Variants in GATAD2A observed in about 807,000 individuals in gnomAD.
GATAD2A encodes GATA zinc finger domain containing 2A, also known as transcriptional repressor p66-alpha.
Under a neutral mutation model 68.5 loss-of-function variants are expected in GATAD2A, and 12 were observed. The ratio of observed to expected loss-of-function variants is 0.18; its 90% confidence interval spans 0.11 to 0.28. The LOEUF (loss-of-function observed/expected upper bound fraction) is 0.28. GATAD2A is among the 10% of genes least tolerant of loss of function. The pLI is 1.00. For synonymous variants in GATAD2A, 410 were observed against 375.3 expected (o/e 1.09, Z -1.07); for missense variants, 755 against 868.5 (o/e 0.87, Z 1.64).
Position 19,498,492 on chromosome 19 carries a change from A to G in GATAD2A, c.974A>G (p.Asn325Ser), listed in dbSNP as rs373242335. The G allele has an allele frequency of 2.2e-5, 35 of 1,613,456 alleles. 1 individual carries two copies. The highest frequency in any genetic ancestry group is 3.0e-5 in the Non-Finnish European group (35 of 1,179,678). The change falls in exon 8 of 12, where the codon AAC (asparagine) becomes AGC (serine). Residue 325 changes from asparagine to serine, a missense_variant. Coordinates refer to ENST00000683918, the MANE Select transcript of GATAD2A (RefSeq NM_001384528.1). ...KGTTATSAQA[N>S]STPTSVASVV... Reference sequence around the variant, plus strand: ...ACAACAGCCACCTCCGCTCAGGCCAACTCCACCCCCACTAGTGTGGCCTCT... The same window carrying G: ...ACAACAGCCACCTCCGCTCAGGCCAGCTCCACCCCCACTAGTGTGGCCTCT...
intron 2 of GATAD2A, among the ~76,000 whole-genome samples, chr19:19,466,028 G>C (rs2057838538): frequency 6.6e-6 from 1 of 152,198 alleles, no homozygotes; most frequent in African/African-American, 2.4e-5. Context: ...TTGGTCACTT[G>C]GCTAGGGATA....
intron 1 of GATAD2A, chr19:19,440,045 C>T (rs1046059567): frequency 4.1e-6 from 1 of 241,430 alleles, no homozygotes; most frequent in African/African-American, 2.4e-5. Flanking sequence ...GACTGGGCAA[C>T]TTGTGGTGGT....
intron 1 of GATAD2A, chr19:19,458,744 G>A (rs968178620): frequency 1.3e-5 from 2 of 152,220 alleles, no homozygotes; most frequent in African/African-American, 4.8e-5. Context: ...ATATGGCACA[G>A]AAGGTAGATG....
intron 2 of GATAD2A, among the ~76,000 whole-genome samples, chr19:19,483,716 G>T (rs898672526): frequency 2.0e-5 from 3 of 151,696 alleles, no homozygotes; most frequent in African/African-American, 7.3e-5. Flanking sequence ...CCGGGTTCAC[G>T]CCATTCTGCT....
intron 1 of GATAD2A, among the ~76,000 whole-genome samples, chr19:19,439,946 A>G (rs2054810642): frequency 6.6e-6 from 1 of 152,216 alleles, no homozygotes; most frequent in African/African-American, 2.4e-5. Flanking sequence ...AAACATGGTC[A>G]GAAATAAGGA....
chr19:19,480,019 CT>C (rs2058948529), intron 2 of GATAD2A, among the ~76,000 whole-genome samples: 1 of 151,868 alleles, frequency 6.6e-6, no homozygotes, highest in Admixed American at 6.6e-5. Context: ...GTTGGCTAGG[CT>C]GGTCTCAAAC....
chr19:19,395,784 G>C (rs2049194319), intron 1 of GATAD2A, among the ~76,000 whole-genome samples: 1 of 152,136 alleles, frequency 6.6e-6, no homozygotes, highest in Non-Finnish European at 1.5e-5. Context: ...CTTTATAAAA[G>C]TACGGTGGGA....
intron 1 of GATAD2A, among the ~76,000 whole-genome samples, chr19:19,426,449 A>G (rs1314925468): frequency 6.6e-6 from 1 of 152,140 alleles, no homozygotes; most frequent in Non-Finnish European, 1.5e-5. Context: ...TTGTCCATCT[A>G]TGACATAATG....
intron 1 of GATAD2A, among the ~76,000 whole-genome samples, chr19:19,393,615 T>C (rs1185940930): frequency 6.6e-6 from 1 of 152,188 alleles, no homozygotes; most frequent in Non-Finnish European, 1.5e-5. Context: ...TGAAAGAACA[T>C]TGTGAGGTTT....
chr19:19,505,495 A>C lies in GATAD2A; in HGVS notation c.*21A>C, dbSNP rs375882343. 6.4e-7 allele frequency: 1 copy of C among 1,554,628 alleles called. No homozygotes were observed. The highest frequency in any genetic ancestry group is 1.2e-5 in the South Asian group (1 of 85,004). On this transcript the variant is annotated 3_prime_UTR_variant, in exon 12 of 12. Coordinates refer to ENST00000683918, the MANE Select transcript of GATAD2A (RefSeq NM_001384528.1). ...AATAGTGCGAGCCAGGCCCCGTGGA[A>C]GACGGGCTCCCTCCTCCCCCACCTG... is the stretch of plus-strand genomic sequence containing the variant.
At chr19:19,428,847 C>T (rs749628217) in intron 1 of GATAD2A, among the ~76,000 whole-genome samples, 49 of 152,248 alleles carry the variant, frequency 3.2e-4, no homozygotes, top group Non-Finnish European at 5.4e-4. Flanking sequence ...GTCCCCACAG[C>T]TCCCCAAATA....
intron 1 of GATAD2A, among the ~76,000 whole-genome samples, chr19:19,417,959 C>T (rs1288306324): frequency 6.6e-6 from 1 of 152,098 alleles, no homozygotes; most frequent in Non-Finnish European, 1.5e-5. Flanking sequence ...GTCTTAGAGC[C>T]TCGTGGGGGA....
At chr19:19,475,656 A>G (rs763848875) in intron 2 of GATAD2A, among the ~76,000 whole-genome samples, 3 of 152,174 alleles carry the variant, frequency 2.0e-5, no homozygotes, top group African/African-American at 4.8e-5. Context: ...GGCATTTCTT[A>G]GCTCATGGGA....
At chr19:19,440,320 G>A in intron 1 of GATAD2A, 1 of 206,552 alleles carries the variant, frequency 4.8e-6, no homozygotes, top group South Asian at 8.0e-5. Context: ...GCCCAGGCTG[G>A]AGTGGAGTGG....
At chr19:19,487,109 C>T (rs2059490926) in intron 2 of GATAD2A, among the ~76,000 whole-genome samples, 1 of 152,248 alleles carries the variant, frequency 6.6e-6, no homozygotes, top group Admixed American at 6.5e-5. Flanking sequence ...GCCTCTCCCC[C>T]ATCCCCAGCC....
intron 1 of GATAD2A, chr19:19,436,273 G>C (rs2054331572): frequency 1.1e-6 from 1 of 928,562 alleles, no homozygotes; most frequent in African/African-American, 1.7e-5. Flanking sequence ...CATCCAGCAG[G>C]CTTCGGTCAG....
At chr19:19,469,435 A>AAAAAAAG (rs986046869) in intron 2 of GATAD2A, among the ~76,000 whole-genome samples, 1 of 151,922 alleles carries the variant, frequency 6.6e-6, no homozygotes, top group African/African-American at 2.4e-5. Context: ...CCATCTCAAA[A>AAAAAAAG]AAAAAGAAAA....
intron 1 of GATAD2A, among the ~76,000 whole-genome samples, chr19:19,433,170 T>G (rs1568280186): frequency 6.6e-6 from 1 of 152,230 alleles, no homozygotes; most frequent in Admixed American, 6.5e-5. Context: ...TTGTTGTGAT[T>G]TGACTTTCCT....
Position 19,487,657 on chromosome 19 carries a change from C to T in GATAD2A, c.270-4649C>T, listed in dbSNP as rs574779807. Among the ~76,000 whole-genome samples the T allele has an allele frequency of 1.2e-3, 180 of 152,206 alleles. 2 individuals carry two copies. The highest frequency in any genetic ancestry group is 0.01 in the Admixed American group (157 of 15,304). Reference sequence around the variant, plus strand: ...TCACCCCGAGGCAAGGGGACAGGGCCGGGCAGGCTTCCTGAGGCATGTTGA... The same window carrying T: ...TCACCCCGAGGCAAGGGGACAGGGCTGGGCAGGCTTCCTGAGGCATGTTGA... On this transcript the variant is annotated intron_variant, in intron 2 of 11. Coordinates refer to ENST00000683918, the MANE Select transcript of GATAD2A (RefSeq NM_001384528.1).
Sources: gnomAD v4.1 joint callset for allele counts (sites outside exome capture counted in the v4.1 genomes callset) on GRCh38, gnomAD v4.1.1 for gene constraint, MANE v1.5 for transcripts, NCBI Gene and HGNC (gene_info 2026-07-23, HGNC 2026-07-21) for gene names.